ALDH1A3: variants seen among roughly 807,000 people sequenced by gnomAD.
ALDH1A3 encodes aldehyde dehydrogenase 1 family member A3, also known as retinaldehyde dehydrogenase 3.
ALDH1A3 carries 28 observed loss-of-function variants against 57.5 expected under a neutral mutation model. That is an observed-to-expected ratio of 0.49 (90% confidence interval 0.36 to 0.67). The LOEUF (loss-of-function observed/expected upper bound fraction) is 0.67, where lower values mean the gene tolerates loss of function less well. Among genes scored for constraint, ALDH1A3 ranks in the 30% least tolerant of loss-of-function variants. The pLI, the probability that ALDH1A3 is intolerant of heterozygous loss-of-function variation, is 0.00. For synonymous variants in ALDH1A3, 281 were observed against 264.8 expected, an observed-to-expected ratio of 1.06 and a Z score of -0.59; for missense variants, 507 against 669.4, an observed-to-expected ratio of 0.76 and a Z score of 2.68.
At chr15:100,909,688 TG>T (rs2041864610) in intron 12 of ALDH1A3, among the ~76,000 whole-genome samples, 1 of 152,196 alleles carries the variant, frequency 6.6e-6, no homozygotes, top group Non-Finnish European at 1.5e-5. Flanking sequence ...TTTAGATTAA[TG>T]GGTGGAACTT....
At chr15:100,892,871 G>A in intron 4 of ALDH1A3, 74 bp from the exon 5 acceptor site, 2 of 1,519,472 alleles carry the variant, frequency 1.3e-6, no homozygotes, top group Non-Finnish European at 9.0e-7. Flanking sequence ...TTTCTTTCTT[G>A]TCTTTTTACT....
intron 9 of ALDH1A3, among the ~76,000 whole-genome samples, chr15:100,903,326 CTTTG>C (rs1289204335): frequency 1.3e-5 from 2 of 152,130 alleles, no homozygotes; most frequent in African/African-American, 4.8e-5. Flanking sequence ...TCATCTTGCA[CTTTG>C]TTTATTGTTC....
At chr15:100,910,330 T>C (rs2041870429) in intron 12 of ALDH1A3, among the ~76,000 whole-genome samples, 1 of 152,260 alleles carries the variant, frequency 6.6e-6, no homozygotes, top group African/African-American at 2.4e-5. Flanking sequence ...CTGTTTGCAT[T>C]TGAGTTCTGT....
chr15:100,884,419 T>C (rs2041573856), intron 1 of ALDH1A3, among the ~76,000 whole-genome samples: 1 of 152,226 alleles, frequency 6.6e-6, no homozygotes, highest in South Asian at 2.1e-4. Flanking sequence ...TTCTGGATCA[T>C]TGAGGTTCCC....
chr15:100,902,507 G>A (rs988905138), intron 9 of ALDH1A3, among the ~76,000 whole-genome samples: 4 of 152,208 alleles, frequency 2.6e-5, no homozygotes, highest in African/African-American at 9.7e-5. Context: ...TCCACGGCCG[G>A]GCTAGCGCTC....
chr15:100,901,485 C>T (rs1157866901), intron 9 of ALDH1A3, among the ~76,000 whole-genome samples: 1 of 152,142 alleles, frequency 6.6e-6, no homozygotes, highest in Non-Finnish European at 1.5e-5. Context: ...CCGTGACTTA[C>T]CCACTTGTGT....
Position 100,887,654 on chromosome 15 carries a change from G to A in ALDH1A3, c.287G>A (p.Arg96His), listed in dbSNP as rs1470193684. Residue 96 changes from arginine to histidine, a missense_variant, in exon 3 of 13, where the codon CGT becomes CAT. Around this residue, in one of 2 missense-constraint regions of ALDH1A3, gnomAD observed 432 missense variants for 608.4 expected, o/e 0.71. Transcript: ENST00000329841. This position sits in a 1 kb window ranked among gnomAD's most constrained non-coding sequence, Gnocchi z 4.6. ...TGGCGCCGGCTGGATGCCCTGAGTCGTGGGCGGCTGCTGCACCAGCTGGCT... is the reference window on the plus strand; with the variant it reads ...TGGCGCCGGCTGGATGCCCTGAGTCATGGGCGGCTGCTGCACCAGCTGGCT... ...SPWRRLDALSRGRLLHQLADL... is the reference protein window; with the variant it reads ...SPWRRLDALSHGRLLHQLADL... 7.4e-6 allele frequency: 12 copies of A among 1,611,308 alleles called. No homozygotes were observed. The highest frequency in any genetic ancestry group is 2.2e-5 in the East Asian group (1 of 44,688).
At chr15:100,895,786 G>T in intron 6 of ALDH1A3, 147 bp from the exon 7 acceptor site, 2 of 681,530 alleles carry the variant, frequency 2.9e-6, no homozygotes, top group Non-Finnish European at 5.2e-6. Context: ...GGTGCCCACG[G>T]TCAACTGCTT....
intron 8 of ALDH1A3, 137 bp downstream of exon 8, chr15:100,898,322 C>G: frequency 7.3e-6 from 5 of 680,770 alleles, no homozygotes; most frequent in Non-Finnish European, 1.2e-5. Flanking sequence ...CCGTGGGCAT[C>G]CTGCCCACAG....
At position 100,894,168 on chromosome 15, in the gene ALDH1A3, T is replaced by C; in HGVS notation, c.666+86T>C. ...AGGCCACCGTCACGAGATGGGACAG[T>C]GGCAGACTGCTGGCAATCGAGTGGG... On this transcript the variant is annotated intron_variant, in intron 6 of 12. Transcript: ENST00000329841. The surrounding 1 kb of genome is among the most constrained non-coding windows in gnomAD (Gnocchi z 4.5). 6.6e-7 allele frequency: 1 copy of C among 1,508,716 alleles called. No individual in the cohort carries two copies. The highest frequency in any genetic ancestry group is 1.9e-5 in the Admixed American group (1 of 52,744). The allele number at this position is 1,508,716 out of a possible 1,614,324, so 93.5% of individuals were successfully genotyped here. A position where few individuals can be genotyped will look rare whatever the true frequency, so the allele number is the denominator to read the frequency against.
rs541736459 is a variant in ALDH1A3, at chr15:100,900,170, G to A, written c.884-405G>A. 1.3e-4 allele frequency among the ~76,000 whole-genome samples: 20 copies of A among 152,288 alleles called. No individual in the cohort carries two copies. In the South Asian group the frequency reaches 2.7e-3, roughly 21 times the overall value. ...CTTTTACTCAAGGTGGAACATTTTG[G>A]CTTCTTTAGAAGTTCTCGCCAGGGG... On this transcript the variant is annotated intron_variant, in intron 8 of 12. Coordinates refer to ENST00000329841, the MANE Select transcript of ALDH1A3 (RefSeq NM_000693.4).
Position 100,885,222 on chromosome 15 carries a change from G to T in ALDH1A3, c.100-45G>T. 2.2e-6 allele frequency: 3 copies of T among 1,377,110 alleles called. No individual in the cohort carries two copies. The South Asian group carries it at 3.5e-5, about 16-fold the overall frequency. The allele number at this position is 1,377,110 out of a possible 1,614,324, so 85.3% of individuals were successfully genotyped here. ...GGTCCTTAGCATGTTGAAATTATAT[G>T]ATTTTGATCTAAACCTAATTGGTTA... On this transcript the variant is annotated intron_variant, in intron 1 of 12. Coordinates refer to ENST00000329841, the MANE Select transcript of ALDH1A3 (RefSeq NM_000693.4).
chr15:100,906,407 G>A lies in ALDH1A3; in HGVS notation c.1234-714G>A, dbSNP rs28410143. Reference sequence around the variant, plus strand: ...TTTCTGGGGCAGGTATTTCAGAGGCGTCTTCCTTGAGATTGTTATGTGCCG... The same window carrying A: ...TTTCTGGGGCAGGTATTTCAGAGGCATCTTCCTTGAGATTGTTATGTGCCG... On this transcript the variant is annotated intron_variant, in intron 10 of 12. Transcript: ENST00000329841. The surrounding 1 kb of genome is among the most constrained non-coding windows in gnomAD (Gnocchi z 4.8). Among the ~76,000 whole-genome samples the A allele has an allele frequency of 3.0e-3, 457 of 152,272 alleles. 4 individuals carry two copies. The highest frequency in any genetic ancestry group is 0.01 in the African/African-American group (423 of 41,532).
rs1357131069 is a variant in ALDH1A3, at chr15:100,916,246, A to C, written c.*1473A>C. The stretch of plus-strand genomic sequence containing the variant: ...TCACTTATACTACCAATAACTTGTT[A>C]AATCAGGATTTGGCTTCATACACTG... On this transcript the variant is annotated 3_prime_UTR_variant, in exon 13 of 13. Coordinates refer to ENST00000329841, the MANE Select transcript of ALDH1A3 (RefSeq NM_000693.4). 1 of 152,280 alleles carries C rather than the reference A, an allele frequency of 6.6e-6. No homozygotes were observed. Among genetic ancestry groups the C allele is most frequent in the Non-Finnish European group, 1.5e-5 (1 of 68,042 alleles). The allele number at this position is 152,280 out of a possible 1,614,324, so 9.4% of individuals were successfully genotyped here.
chr15:100,890,272 A>G (rs2041636537), intron 3 of ALDH1A3, among the ~76,000 whole-genome samples: 1 of 152,144 alleles, frequency 6.6e-6, no homozygotes, highest in African/African-American at 2.4e-5. Context: ...CAGGAGGCAC[A>G]TTTTCCTCTT....
chr15:100,893,060 C>G lies in ALDH1A3; in HGVS notation c.537+54C>G, dbSNP rs1294462568. On this transcript the variant is annotated intron_variant, in intron 5 of 12. Coordinates refer to ENST00000329841, the MANE Select transcript of ALDH1A3 (RefSeq NM_000693.4). This position sits in a 1 kb window ranked among gnomAD's most constrained non-coding sequence, Gnocchi z 4.8. Reference sequence around the variant, plus strand: ...TCTATGTAGATCCTGCCCCACTGCCCTGTGTCCTTTGGAATCAATTTCTGG... The same window carrying G: ...TCTATGTAGATCCTGCCCCACTGCCGTGTGTCCTTTGGAATCAATTTCTGG... The G allele has an allele frequency of 1.3e-6, 2 of 1,498,990 alleles. No homozygotes were observed. The highest frequency in any genetic ancestry group is 2.8e-5 in the African/African-American group (2 of 71,912). The allele number at this position is 1,498,990 out of a possible 1,614,324, so 92.9% of individuals were successfully genotyped here.
chr15:100,880,107 C>A, intron 1 of ALDH1A3, 101 bp downstream of exon 1: 1 of 848,652 alleles, frequency 1.2e-6, no homozygotes, highest in Non-Finnish European at 1.6e-6. Context: ...GGGGGTCCGC[C>A]GGGCGCCGCC....
In ALDH1A3 at chr15:100,892,686, T is replaced by A. The variant is rs772443302; in HGVS notation, c.475+47T>A. 55 of 1,566,350 alleles carry A rather than the reference T, an allele frequency of 3.5e-5. No individual in the cohort carries two copies. The South Asian group carries it at 6.0e-4, about 17-fold the overall frequency. ...TTCATTTGGGATCCCTTTGGGGCTA[T>A]ATCTTTTCATTAATCCAGAGCCCCC... On this transcript the variant is annotated intron_variant, in intron 4 of 12. Transcript: ENST00000329841.
At chr15:100,884,863 C>A (rs997743832) in intron 1 of ALDH1A3, among the ~76,000 whole-genome samples, 9 of 152,056 alleles carry the variant, frequency 5.9e-5, no homozygotes. Context: ...AGGCGGACTG[C>A]TTGGGACTTT....
Sources: allele counts gnomAD v4.1 joint callset (sites outside exome capture counted in the v4.1 genomes callset), GRCh38; gene constraint gnomAD v4.1.1; regional missense constraint gnomAD v4.1.1; non-coding constraint Gnocchi (gnomAD v3.1); transcripts MANE v1.5; gene names NCBI Gene and HGNC (gene_info 2026-07-23, HGNC 2026-07-21).